Variants in HSF2BP observed in about 807,000 individuals in gnomAD.
HSF2BP encodes the protein heat shock transcription factor 2 binding protein.
In HSF2BP, 35 loss-of-function variants were observed where a neutral mutation model predicts 35.0. The observed-to-expected ratio is 1.00, with a 90% CI of 0.76 to 1.32. HSF2BP has a LOEUF of 1.32. Ranked by LOEUF, HSF2BP falls within the 40% of genes most tolerant of loss-of-function variation. The pLI, the probability that HSF2BP is intolerant of heterozygous loss-of-function variation, is 0.00. For missense variants in HSF2BP, 326 were observed against 321.7 expected, an observed-to-expected ratio of 1.01 and a Z score of -0.10; for synonymous variants, 114 against 117.4, an observed-to-expected ratio of 0.97 and a Z score of 0.18.
rs776812319 is a variant in HSF2BP, at chr21:43,656,620, C to G, written c.154G>C (p.Glu52Gln). 4 of 1,613,402 alleles carry G rather than the reference C, an allele frequency of 2.5e-6. No homozygotes were observed. In the African/African-American group the frequency reaches 4.0e-5, roughly 16 times the overall value. The part of the protein sequence containing the change: ...LPRILNGEVL[E>Q]SFQKLKIVEK... ...ACAATCTTTAATTTCTGGAAGCTCT[C>G]CAGCACCTCCCCATTTAGTATTCTG... The change falls in exon 3 of 9, where the codon GAG becomes CAG. Residue 52 changes from glutamate to glutamine, a missense_variant. Transcript: ENST00000291560.
rs181530916 is a variant in HSF2BP, at chr21:43,657,487, C to T, written c.36+574G>A. On this transcript the variant is annotated intron_variant, in intron 2 of 8. Transcript: ENST00000291560. ...GGTTTCCTACTGGGTTTGCCAAGCCCTCCGCCCGTGATCTCATCTACTATT... is the reference window on the plus strand; with the variant it reads ...GGTTTCCTACTGGGTTTGCCAAGCCTTCCGCCCGTGATCTCATCTACTATT... 1.2e-3 allele frequency among the ~76,000 whole-genome samples: 178 copies of T among 152,316 alleles called. 1 individual carries two copies. The highest frequency in any genetic ancestry group is 4.2e-3 in the African/African-American group (173 of 41,570).
intron 8 of HSF2BP, among the ~76,000 whole-genome samples, chr21:43,582,833 G>T (rs1288310722): frequency 4.8e-5 from 1 of 20,894 alleles, no homozygotes; most frequent in Non-Finnish European, 7.7e-5. Flanking sequence ...AGGGCCTGCT[G>T]CGGGAGATGA....
intron 4 of HSF2BP, among the ~76,000 whole-genome samples, chr21:43,643,943 A>G (rs2147080413): frequency 6.6e-6 from 1 of 152,024 alleles, no homozygotes; most frequent in African/African-American, 2.4e-5. Flanking sequence ...CGACAGAGCA[A>G]GACTCTGTCT....
At chr21:43,588,529 T>G (rs1030473863) in intron 8 of HSF2BP, among the ~76,000 whole-genome samples, 3 of 152,052 alleles carry the variant, frequency 2.0e-5, no homozygotes, top group African/African-American at 7.2e-5. Flanking sequence ...CACCACCCCA[T>G]AACTATATAA....
intron 7 of HSF2BP, among the ~76,000 whole-genome samples, chr21:43,594,435 T>C (rs1233184992): frequency 1.3e-5 from 2 of 152,212 alleles, no homozygotes; most frequent in Admixed American, 1.3e-4. Flanking sequence ...ATCCAGGATG[T>C]AAGTATTAGA....
intron 6 of HSF2BP, among the ~76,000 whole-genome samples, chr21:43,616,102 C>T (rs1379367913): frequency 6.6e-6 from 1 of 151,648 alleles, no homozygotes; most frequent in African/African-American, 2.4e-5. Flanking sequence ...ATTTGGTAGC[C>T]TGACTCCAGA....
intron 7 of HSF2BP, among the ~76,000 whole-genome samples, chr21:43,602,193 T>A (rs1771293133): frequency 6.6e-6 from 1 of 152,200 alleles, no homozygotes; most frequent in South Asian, 2.1e-4. Flanking sequence ...GTGAACAAAG[T>A]GTGGTACAAG....
chr21:43,623,404 G>C (rs1337954828), intron 6 of HSF2BP, among the ~76,000 whole-genome samples: 6 of 152,072 alleles, frequency 3.9e-5, no homozygotes, highest in Admixed American at 1.3e-4. Context: ...CAAGGAAATA[G>C]AAAAGAACAA....
intron 3 of HSF2BP, among the ~76,000 whole-genome samples, chr21:43,651,291 T>G (rs542094442): frequency 6.6e-6 from 1 of 152,298 alleles, no homozygotes; most frequent in East Asian, 1.9e-4. Flanking sequence ...GTCCACATTT[T>G]GTAGACACTA....
At chr21:43,649,774 T>A (rs938221413) in intron 3 of HSF2BP, among the ~76,000 whole-genome samples, 5 of 152,220 alleles carry the variant, frequency 3.3e-5, no homozygotes, top group African/African-American at 1.2e-4. Flanking sequence ...TTAAACAGAC[T>A]GAATGGCTTT....
At position 43,644,271 on chromosome 21, in the gene HSF2BP, T is replaced by C. The variant is rs764062772; in HGVS notation, c.291+18A>G. The C allele has an allele frequency of 4.4e-6, 7 of 1,599,566 alleles. No homozygotes were observed. Among genetic ancestry groups the C allele is most frequent in the Admixed American group, 1.7e-5 (1 of 59,964 alleles). Reference sequence around the variant, plus strand: ...CCCACTTTCTGGCTTGGTGAGAGTCTGTCCCTGAGCATGGTACCTTCTTCT... The same window carrying C: ...CCCACTTTCTGGCTTGGTGAGAGTCCGTCCCTGAGCATGGTACCTTCTTCT... On this transcript the variant is annotated intron_variant, in intron 4 of 8. Transcript: ENST00000291560.
intron 6 of HSF2BP, among the ~76,000 whole-genome samples, chr21:43,618,328 T>G: frequency 6.6e-6 from 1 of 152,206 alleles, no homozygotes; most frequent in South Asian, 2.1e-4. Context: ...ACGTACTATG[T>G]CTGATACTTT....
chr21:43,633,105 A>G (rs1334269995), intron 5 of HSF2BP, among the ~76,000 whole-genome samples, 167 bp downstream of exon 5: 1 of 152,240 alleles, frequency 6.6e-6, no homozygotes, highest in Non-Finnish European at 1.5e-5. Context: ...CCTTTGCATC[A>G]GGTTACAATG....
At chr21:43,651,188 C>T (rs770426267) in intron 3 of HSF2BP, among the ~76,000 whole-genome samples, 4 of 152,132 alleles carry the variant, frequency 2.6e-5, no homozygotes, top group Non-Finnish European at 4.4e-5. Flanking sequence ...GTGTTATTTA[C>T]CAGGGACTCC....
chr21:43,637,683 T>C (rs1182739829), intron 4 of HSF2BP, among the ~76,000 whole-genome samples: 2 of 151,738 alleles, frequency 1.3e-5, no homozygotes, highest in South Asian at 2.1e-4. Context: ...TATGGTGGCA[T>C]ATGCCTATAG....
intron 4 of HSF2BP, among the ~76,000 whole-genome samples, chr21:43,636,883 C>G (rs1436614966): frequency 7.3e-6 from 1 of 137,760 alleles, no homozygotes; most frequent in South Asian, 2.5e-4. Context: ...GAGCGAAACC[C>G]CGTCTCAAAA....
At chr21:43,620,549 GC>G (rs2082319608) in intron 6 of HSF2BP, among the ~76,000 whole-genome samples, 1 of 152,118 alleles carries the variant, frequency 6.6e-6, no homozygotes, top group African/African-American at 2.4e-5. Flanking sequence ...TAAAAAATTA[GC>G]CAAGCACTGT....
intron 6 of HSF2BP, among the ~76,000 whole-genome samples, chr21:43,627,758 T>C (rs1023378002): frequency 6.6e-6 from 1 of 151,786 alleles, no homozygotes; most frequent in Non-Finnish European, 1.5e-5. Flanking sequence ...GCTTTGCAGA[T>C]ACTGTTTTTT....
chr21:43,601,464 T>C (rs1488868328), intron 7 of HSF2BP, among the ~76,000 whole-genome samples: 1 of 152,270 alleles, frequency 6.6e-6, no homozygotes, highest in Non-Finnish European at 1.5e-5. Context: ...TTTTGCCTAT[T>C]TGTGTATTTG....
Sources: gnomAD v4.1 joint callset for allele counts (sites outside exome capture counted in the v4.1 genomes callset) on GRCh38, gnomAD v4.1.1 for gene constraint, MANE v1.5 for transcripts, NCBI Gene and HGNC (gene_info 2026-07-23, HGNC 2026-07-21) for gene names.